The following ZDHHC15 variants were observed in gnomAD, a reference collection of about 807,000 sequenced individuals.
The protein encoded by ZDHHC15 is palmitoyltransferase ZDHHC15.
Under a neutral mutation model 31.7 loss-of-function variants are expected in ZDHHC15, and 19 were observed. The observed-to-expected ratio is 0.60, with a 90% CI of 0.42 to 0.88. The LOEUF (loss-of-function observed/expected upper bound fraction) is 0.88, where lower values mean the gene tolerates loss of function less well. Ranked by LOEUF, ZDHHC15 falls within the 40% of genes least tolerant of loss-of-function variation. The pLI is 0.00. For missense variants in ZDHHC15, 209 were observed against 251.2 expected (o/e 0.83, Z 1.14); for synonymous variants, 103 against 90.0 (o/e 1.14, Z -0.82).
rs139303023 is a variant in ZDHHC15, at chrX:75,454,552, A to T, written c.259-3630T>A. Among the ~76,000 whole-genome samples, 1,053 of 111,485 alleles carry T rather than the reference A, an allele frequency of 9.4e-3. 20 individuals carry two copies. The highest frequency in any genetic ancestry group is 0.032 in the African/African-American group (983 of 30,719). ...TGAACTAGTTTACAGTCCCACCAAC[A>T]GTGTAAAAGCATTCCTATTTCTCCA... On this transcript the variant is annotated intron_variant, in intron 3 of 11. Coordinates refer to ENST00000373367, the MANE Select transcript of ZDHHC15 (RefSeq NM_144969.3).
chrX:75,408,019 G>T (rs1023630898), intron 10 of ZDHHC15, among the ~76,000 whole-genome samples: 1 of 102,704 alleles, frequency 9.7e-6, no homozygotes, highest in Non-Finnish European at 2.0e-5. Flanking sequence ...CAGCATGCTC[G>T]TTAAGAGTCA....
intron 9 of ZDHHC15, among the ~76,000 whole-genome samples, chrX:75,419,051 C>G (rs1330746069): frequency 8.9e-6 from 1 of 111,765 alleles, no homozygotes; most frequent in Non-Finnish European, 1.9e-5. Context: ...TTTTTGCAAT[C>G]TATCCATCTG....
At chrX:75,494,071 C>T (rs185356992) in intron 2 of ZDHHC15, among the ~76,000 whole-genome samples, 2 of 111,616 alleles carry the variant, frequency 1.8e-5, no homozygotes, top group Non-Finnish European at 3.8e-5. Context: ...AACTGATAGG[C>T]AACTTCAGCA....
At chrX:75,516,727 T>C (rs1157385873) in intron 1 of ZDHHC15, among the ~76,000 whole-genome samples, 2 of 111,794 alleles carry the variant, frequency 1.8e-5, no homozygotes, top group Non-Finnish European at 3.8e-5. Context: ...AAAGCCAAAA[T>C]AGACAAATGG....
At chrX:75,408,979 A>C (rs747265832) in intron 10 of ZDHHC15, among the ~76,000 whole-genome samples, 16 of 112,489 alleles carry the variant, frequency 1.4e-4, no homozygotes, top group African/African-American at 5.2e-4. Flanking sequence ...TTTCATGTGC[A>C]TGGATTGGAA....
rs2147741378 is a variant in ZDHHC15, at chrX:75,372,737, G to T, written c.*241C>A. 1 of 111,808 alleles carries T rather than the reference G, an allele frequency of 8.9e-6. No homozygotes were observed. Among genetic ancestry groups the T allele is most frequent in the African/African-American group, 3.2e-5 (1 of 30,902 alleles). The allele number at this position is 111,808 out of a possible 1,213,427, so 9.2% of individuals were successfully genotyped here. On this transcript the variant is annotated 3_prime_UTR_variant, in exon 12 of 12. Transcript: ENST00000373367. The stretch of plus-strand genomic sequence containing the variant: ...GGGAAATGAAGAAACAAAAAAAATT[G>T]GCTTGAATTAACTGCTACCAAATTC...
chrX:75,406,267 C>T (rs779286224), intron 10 of ZDHHC15, among the ~76,000 whole-genome samples: 18 of 111,126 alleles, frequency 1.6e-4, no homozygotes, highest in African/African-American at 2.0e-4. Flanking sequence ...GAAAAAAGAA[C>T]GTAACCATGC....
intron 4 of ZDHHC15, among the ~76,000 whole-genome samples, chrX:75,444,870 T>G (rs1479090179): frequency 9.2e-6 from 1 of 108,150 alleles, no homozygotes; most frequent in East Asian, 2.9e-4. Context: ...AAAACATCAG[T>G]CTGTCAGACT....
chrX:75,463,381 G>C (rs1442990900), intron 3 of ZDHHC15, among the ~76,000 whole-genome samples: 1 of 110,820 alleles, frequency 9.0e-6, no homozygotes, highest in Non-Finnish European at 1.9e-5. Flanking sequence ...TTGAAAAGGA[G>C]AGACTCTTCC....
chrX:75,376,966 AT>A (rs1210887211), intron 11 of ZDHHC15, among the ~76,000 whole-genome samples: 2 of 111,206 alleles, frequency 1.8e-5, no homozygotes, highest in Non-Finnish European at 3.8e-5. Context: ...ATCCTTTTTT[AT>A]TTAAAAAACT....
intron 3 of ZDHHC15, among the ~76,000 whole-genome samples, chrX:75,473,476 A>T (rs1440843343): frequency 9.0e-6 from 1 of 110,644 alleles, no homozygotes; most frequent in African/African-American, 3.3e-5. Context: ...CAGATGGAGG[A>T]ACATTGCCAC....
chrX:75,439,728 T>C (rs1194049759), intron 4 of ZDHHC15, among the ~76,000 whole-genome samples: 1 of 111,871 alleles, frequency 8.9e-6, no homozygotes, highest in Non-Finnish European at 1.9e-5. Context: ...CTTTGGGGGA[T>C]GTCAAAGAAC....
At chrX:75,518,806 TACACACACACAC>T (rs57864438) in intron 1 of ZDHHC15, among the ~76,000 whole-genome samples, 60 of 22,896 alleles carry the variant, frequency 2.6e-3, no homozygotes, top group East Asian at 0.017. Context: ...TATATATATA[TACACACACACAC>T]ACACACACAC....
intron 1 of ZDHHC15, among the ~76,000 whole-genome samples, chrX:75,518,117 G>A (rs1424813661): frequency 6.7e-5 from 4 of 59,355 alleles, no homozygotes; most frequent in African/African-American, 1.4e-4. Flanking sequence ...AAAAGCATAG[G>A]CAACAAAAGA....
At chrX:75,421,685 A>G (rs2083643658) in intron 9 of ZDHHC15, among the ~76,000 whole-genome samples, 179 bp downstream of exon 9, 1 of 105,429 alleles carries the variant, frequency 9.5e-6, no homozygotes, top group Non-Finnish European at 1.9e-5. Flanking sequence ...AAAGCATGAG[A>G]ATATCTATTT....
At chrX:75,457,838 A>G (rs1424636691) in intron 3 of ZDHHC15, among the ~76,000 whole-genome samples, 1 of 111,938 alleles carries the variant, frequency 8.9e-6, no homozygotes, top group Admixed American at 9.6e-5. Flanking sequence ...TTTATAGTGT[A>G]TTAGTATTGT....
intron 10 of ZDHHC15, among the ~76,000 whole-genome samples, chrX:75,380,992 G>C (rs986676726): frequency 9.0e-6 from 1 of 111,388 alleles, no homozygotes; most frequent in African/African-American, 3.3e-5. Flanking sequence ...CTAGCCATTG[G>C]TTCTCAGAGA....
chrX:75,436,757 A>G (rs1475523195), intron 4 of ZDHHC15, among the ~76,000 whole-genome samples: 1 of 112,870 alleles, frequency 8.9e-6, no homozygotes, highest in African/African-American at 3.2e-5. Context: ...GGCCTATCAT[A>G]TGGTCTATCT....
chrX:75,388,993 C>T (rs1380557127), intron 10 of ZDHHC15, among the ~76,000 whole-genome samples: 1 of 111,783 alleles, frequency 8.9e-6, no homozygotes, highest in African/African-American at 3.3e-5. Context: ...TACACCACCC[C>T]TCTCCCATCT....
Sources: gnomAD v4.1 joint callset for allele counts (sites outside exome capture counted in the v4.1 genomes callset) on GRCh38, gnomAD v4.1.1 for gene constraint, MANE v1.5 for transcripts, NCBI Gene and HGNC (gene_info 2026-07-23, HGNC 2026-07-21) for gene names.